Variants in KNG1 observed in about 807,000 individuals in gnomAD.
The protein encoded by KNG1 is kininogen 1.
A neutral mutation model predicts 47.8 loss-of-function variants in KNG1; 23 were observed. The observed-to-expected ratio is 0.48, with a 90% CI of 0.35 to 0.68. The LOEUF is 0.68. Among genes scored for constraint, KNG1 ranks in the 30% least tolerant of loss-of-function variants. KNG1 has a pLI of 0.01. For missense variants in KNG1, 762 were observed against 790.2 expected, an observed-to-expected ratio of 0.96 and a Z score of 0.43; for synonymous variants, 277 against 277.0, an observed-to-expected ratio of 1.00 and a Z score of 0.00.
rs5030095 is a variant in KNG1, at chr3:186,743,560, G to C, written c.*1229G>C. ...TGGATGCATTTGAACCTCTGAGTTT[G>C]TCTTTCATTTTAAATATTGTCTGTT... On this transcript the variant is annotated 3_prime_UTR_variant, in exon 10 of 10. Transcript: ENST00000644859. 0.17 allele frequency: 111,724 copies of C among 671,488 alleles called. 10,968 individuals carry two copies. Among genetic ancestry groups the C allele is most frequent in the South Asian group, 0.36 (21,533 of 59,356 alleles). 41.6% of individuals were successfully genotyped at this position (671,488 alleles called of 1,614,324 possible). A position where few individuals can be genotyped will look rare whatever the true frequency, so the allele number is the denominator to read the frequency against.
At chr3:186,740,649 G>GT (rs1280244583) in intron 9 of KNG1, among the ~76,000 whole-genome samples, 1 of 152,218 alleles carries the variant, frequency 6.6e-6, no homozygotes, top group Non-Finnish European at 1.5e-5. Context: ...CTTTTGTCAT[G>GT]TGTAGGTATG....
intron 5 of KNG1, among the ~76,000 whole-genome samples, chr3:186,730,701 T>C (rs1440325766): frequency 4.7e-5 from 3 of 63,308 alleles, no homozygotes; most frequent in African/African-American, 5.2e-5. Context: ...TATATATATA[T>C]ATATATATAT....
rs1369253342 is a variant in KNG1, at chr3:186,742,116, C to G, written c.1720C>G (p.Pro574Ala). 1.2e-6 allele frequency: 2 copies of G among 1,614,088 alleles called. No homozygotes were observed. Among genetic ancestry groups the G allele is most frequent in the Middle Eastern group, 1.6e-4 (1 of 6,062 alleles). The change falls in exon 10 of 10, where the codon CCT becomes GCT. Residue 574 changes from proline (P) to alanine (A), a missense_variant. Transcript: ENST00000644859. ...CTCTGATCTCATTGCAACTATGATG[C>G]CTCCTATATCACCAGCTCCCATACA... Reference protein sequence around the residue: ...QDSDLIATMMPPISPAPIQSD... With the variant: ...QDSDLIATMMAPISPAPIQSD...
chr3:186,725,406 G>A lies in KNG1; in HGVS notation c.564+146G>A, dbSNP rs1720331232. The stretch of plus-strand genomic sequence containing the variant: ...CTTTCTCCTTAGTCAAAGTGAGTCG[G>A]ATAGTGCAATATGTAAAGTGAGAAA... On this transcript the variant is annotated intron_variant, in intron 4 of 9. Coordinates refer to ENST00000644859, the MANE Select transcript of KNG1 (RefSeq NM_001102416.3). 9.2e-6 allele frequency: 7 copies of A among 760,478 alleles called. 1 individual carries two copies. The Admixed American group carries it at 1.3e-4, about 14-fold the overall frequency. 47.1% of individuals were successfully genotyped at this position (760,478 alleles called of 1,614,324 possible). A position where few individuals can be genotyped will look rare whatever the true frequency, so the allele number is the denominator to read the frequency against.
In KNG1 at chr3:186,742,430, A is replaced by G; in HGVS notation, c.*99A>G. On this transcript the variant is annotated 3_prime_UTR_variant, in exon 10 of 10. Transcript: ENST00000644859. ...AATATCCTGATATAATGCACCAAAA[A>G]CCATGCAGCTTCGGAACAGTCTAAA... The G allele has an allele frequency of 6.4e-7, 1 of 1,567,978 alleles. No individual in the cohort carries two copies. Among genetic ancestry groups the G allele is most frequent in the East Asian group, 2.3e-5 (1 of 43,032 alleles).
intron 5 of KNG1, among the ~76,000 whole-genome samples, chr3:186,727,815 G>A (rs548019052): frequency 1.4e-4 from 21 of 152,110 alleles, no homozygotes; most frequent in Admixed American, 4.6e-4. Flanking sequence ...CAGGTGATCC[G>A]CCCACCTTGG....
chr3:186,741,440 A>G (rs1189373348), intron 9 of KNG1, 82 bp from the exon 10 acceptor site: 8 of 1,286,742 alleles, frequency 6.2e-6, no homozygotes, highest in Non-Finnish European at 8.7e-6. Flanking sequence ...CTAAGATAAC[A>G]TTGCCAGATC....
chr3:186,738,139 A>G (rs956599980), intron 7 of KNG1, among the ~76,000 whole-genome samples: 1 of 151,860 alleles, frequency 6.6e-6, no homozygotes, highest in Non-Finnish European at 1.5e-5. Context: ...CACAAAGCCC[A>G]TCTAATTTTT....
chr3:186,737,509 T>C (rs569001596), intron 7 of KNG1, among the ~76,000 whole-genome samples: 10 of 152,228 alleles, frequency 6.6e-5, no homozygotes, highest in African/African-American at 2.4e-4. Flanking sequence ...TCCTGGGTTT[T>C]GGTGAATATT....
chr3:186,717,852 ACCC>A, intron 1 of KNG1, 115 bp downstream of exon 1: 1 of 583,390 alleles, frequency 1.7e-6, no homozygotes, highest in Non-Finnish European at 2.9e-6. Flanking sequence ...ACCACCCACC[ACCC>A]ACCACCATCA....
Position 186,725,543 on chromosome 3 carries a change from A to ATTTTT in KNG1, c.564+298_564+302dup, listed in dbSNP as rs71167003. Among the ~76,000 whole-genome samples the ATTTTT allele has an allele frequency of 1.0e-4, 9 of 87,722 alleles. 2 individuals carry two copies. The highest frequency in any genetic ancestry group is 3.0e-4 in the Admixed American group (2 of 6,632). 57.5% of individuals were successfully genotyped at this position (87,722 alleles called of 152,430 possible). A position where few individuals can be genotyped will look rare whatever the true frequency, so the allele number is the denominator to read the frequency against. On this transcript the variant is annotated intron_variant, in intron 4 of 9. Transcript: ENST00000644859. ...AAGGAAAAGTCATACCGGCCTTAGGATTTTTTTTTTTTTTTTTTTGAGACA... is the reference window on the plus strand; with the variant it reads ...AAGGAAAAGTCATACCGGCCTTAGGATTTTTTTTTTTTTTTTTTTTTTTTGAGACA...
chr3:186,742,817 C>T lies in KNG1; in HGVS notation c.*486C>T, dbSNP rs113571371. The T allele has an allele frequency of 1.4e-5, 13 of 959,270 alleles. No individual in the cohort carries two copies. The African/African-American group carries it at 1.6e-4, about 12-fold the overall frequency. 59.4% of individuals were successfully genotyped at this position (959,270 alleles called of 1,614,324 possible). A position where few individuals can be genotyped will look rare whatever the true frequency, so the allele number is the denominator to read the frequency against. ...TGGAGAATTGCTTGAACCCGGGAGG[C>T]GGAGGTTGCAGTGAGCCGAGATCGT... is the stretch of plus-strand genomic sequence containing the variant. On this transcript the variant is annotated 3_prime_UTR_variant, in exon 10 of 10. Transcript: ENST00000644859.
intron 1 of KNG1, 37 bp downstream of exon 1, chr3:186,717,774 A>C (rs1462031837): frequency 3.4e-6 from 5 of 1,485,838 alleles, no homozygotes; most frequent in Non-Finnish European, 4.7e-6. Context: ...GTCACTTGGG[A>C]TTTGTACTAT....
At position 186,741,913 on chromosome 3, in the gene KNG1, A is replaced by T. The variant is rs768248639; in HGVS notation, c.1517A>T (p.His506Leu). 1.9e-6 allele frequency: 3 copies of T among 1,614,062 alleles called. No individual in the cohort carries two copies. The East Asian group carries it at 6.7e-5, about 36-fold the overall frequency. The change falls in exon 10 of 10, where the codon CAT (histidine) becomes CTT (leucine). Residue 506 changes from histidine (H) to leucine (L), a missense_variant. Coordinates refer to ENST00000644859, the MANE Select transcript of KNG1 (RefSeq NM_001102416.3). ...KHKHGHGHGK[H>L]KNKGKKNGKH... Reference sequence around the variant, plus strand: ...AAGCATGGTCATGGCCACGGAAAACATAAAAATAAAGGCAAAAAGAATGGA... The same window carrying T: ...AAGCATGGTCATGGCCACGGAAAACTTAAAAATAAAGGCAAAAAGAATGGA...
chr3:186,743,167 T>C lies in KNG1; in HGVS notation c.*836T>C, dbSNP rs575910188. 4.3e-5 allele frequency: 7 copies of C among 163,790 alleles called. No individual in the cohort carries two copies. In the South Asian group the frequency reaches 1.2e-3, roughly 29 times the overall value. 10.1% of individuals were successfully genotyped at this position (163,790 alleles called of 1,614,324 possible). On this transcript the variant is annotated 3_prime_UTR_variant, in exon 10 of 10. Transcript: ENST00000644859. ...TTTTGCTGAGCCTAGATTGAGTAAT[T>C]CTTAGTTTACAGAAGCTCCGAGCTT...
At chr3:186,725,284 A>T (rs2108623496) in intron 4 of KNG1, 24 bp downstream of exon 4, 1 of 1,605,570 alleles carries the variant, frequency 6.2e-7, no homozygotes, top group Non-Finnish European at 8.5e-7. Flanking sequence ...TTCTCTAAGT[A>T]GCACAGTATT....
intron 5 of KNG1, among the ~76,000 whole-genome samples, chr3:186,730,729 CAT>C (rs566826761): frequency 0.066 from 3,070 of 46,698 alleles, 135 homozygotes; most frequent in African/African-American, 0.2. Context: ...CACACACACA[CAT>C]ATATATATAC....
At position 186,743,011 on chromosome 3, in the gene KNG1, TG is replaced by T. The variant is rs1720855351; in HGVS notation, c.*683del. On this transcript the variant is annotated 3_prime_UTR_variant, in exon 10 of 10. Coordinates refer to ENST00000644859, the MANE Select transcript of KNG1 (RefSeq NM_001102416.3). ...ATTAATTGACTTTCTATTCCCAAAA[TG>T]GGCTAGTTATATCAAATAAATACTC... 1.1e-6 allele frequency: 1 copy of T among 932,208 alleles called. No individual in the cohort carries two copies. The highest frequency in any genetic ancestry group is 5.0e-5 in the South Asian group (1 of 20,162). 57.7% of individuals were successfully genotyped at this position (932,208 alleles called of 1,614,324 possible).
At chr3:186,722,838 G>C (rs1720245644) in intron 3 of KNG1, among the ~76,000 whole-genome samples, 1 of 152,176 alleles carries the variant, frequency 6.6e-6, no homozygotes, top group Non-Finnish European at 1.5e-5. Context: ...GAGCGCATAG[G>C]CTTTGAGGGC....
Sources: allele counts gnomAD v4.1 joint callset (sites outside exome capture counted in the v4.1 genomes callset), GRCh38; gene constraint gnomAD v4.1.1; transcripts MANE v1.5; gene names NCBI Gene and HGNC (gene_info 2026-07-23, HGNC 2026-07-21).